GLMN: variants seen among roughly 807,000 people sequenced by gnomAD.
GLMN encodes the protein glomulin.
In GLMN, 75 loss-of-function variants were observed where a neutral mutation model predicts 87.8. The observed-to-expected ratio is 0.85, with a 90% CI of 0.71 to 1.04. The LOEUF (loss-of-function observed/expected upper bound fraction) is 1.04, where lower values mean the gene tolerates loss of function less well. Ranked by LOEUF, GLMN falls within the 50% of genes least tolerant of loss-of-function variation. The pLI is 0.00. For synonymous variants in GLMN, 206 were observed against 221.6 expected, an observed-to-expected ratio of 0.93 and a Z score of 0.63; for missense variants, 588 against 658.8, an observed-to-expected ratio of 0.89 and a Z score of 1.18.
the GLMN span, among the ~76,000 whole-genome samples, chr1:92,305,582 C>CA: frequency 7.3e-4 from 104 of 142,036 alleles, no homozygotes; most frequent in South Asian, 1.8e-3. Context: ...TCAGAAGTTT[C>CA]AAAAAAAAAA....
At chr1:92,306,833 A>G in the GLMN span, among the ~76,000 whole-genome samples, 1 of 152,220 alleles carries the variant, frequency 6.6e-6, no homozygotes, top group African/African-American at 2.4e-5. Context: ...TGAATGAAGT[A>G]AGATAAGAAT....
At chr1:92,370,032 G>A in the GLMN span, among the ~76,000 whole-genome samples, 2 of 152,104 alleles carry the variant, frequency 1.3e-5, no homozygotes, top group Non-Finnish European at 1.5e-5. Flanking sequence ...CTACAGGCAT[G>A]TGCCACCATG....
the GLMN span, among the ~76,000 whole-genome samples, chr1:92,362,995 G>A: frequency 1.8e-4 from 28 of 152,240 alleles, no homozygotes; most frequent in South Asian, 2.3e-3. Flanking sequence ...ATTCTTTGCA[G>A]CCAAGGTTAT....
chr1:92,361,556 A>G, the GLMN span, among the ~76,000 whole-genome samples: 7 of 152,168 alleles, frequency 4.6e-5, no homozygotes, highest in Non-Finnish European at 8.8e-5. Context: ...CATTATAGAG[A>G]TGTAATCTGT....
the GLMN span, among the ~76,000 whole-genome samples, chr1:92,346,461 G>T: frequency 1.8e-4 from 27 of 152,176 alleles, no homozygotes; most frequent in African/African-American, 6.0e-4. Context: ...ACCACACCCA[G>T]CCTGTTATCA....
At chr1:92,298,318 GA>G (rs200025433) in intron 1 of GLMN, among the ~76,000 whole-genome samples, 58 of 144,702 alleles carry the variant, frequency 4.0e-4, no homozygotes, top group Admixed American at 6.1e-4. Context: ...TACTTTGAAG[GA>G]AAAAAAAACA....
chr1:92,304,377 A>G, the GLMN span: 11 of 1,373,322 alleles, frequency 8.0e-6, no homozygotes, highest in African/African-American at 1.2e-4. Flanking sequence ...CATTGTGGCA[A>G]TTAATTTTTT....
chr1:92,259,925 C>T (rs908069963), intron 16 of GLMN, among the ~76,000 whole-genome samples: 23 of 151,666 alleles, frequency 1.5e-4, no homozygotes, highest in South Asian at 2.1e-4. Flanking sequence ...TTAGTAGAGA[C>T]GGGGTTTCAC....
In GLMN at chr1:92,291,637, G is replaced by A. The variant is rs573019268; in HGVS notation, c.166-100C>T. 208 of 1,180,262 alleles carry A rather than the reference G, an allele frequency of 1.8e-4. 2 individuals are homozygous for A. In the African/African-American group the frequency reaches 2.6e-3, roughly 15 times the overall value. 73.1% of individuals were successfully genotyped at this position (1,180,262 alleles called of 1,614,324 possible). ...AGAGCTCAGAATTGTTTCTGAAATA[G>A]GAAGATGAGACAAGTGAAGCCTATG... On this transcript the variant is annotated intron_variant, in intron 3 of 18. Coordinates refer to ENST00000370360, the MANE Select transcript of GLMN (RefSeq NM_053274.3).
At chr1:92,311,706 T>C in the GLMN span, among the ~76,000 whole-genome samples, 3 of 152,234 alleles carry the variant, frequency 2.0e-5, no homozygotes, top group Non-Finnish European at 4.4e-5. Context: ...CAGGTTTGGT[T>C]CCAGACCACC....
At chr1:92,255,101 G>T (rs1011212913) in intron 16 of GLMN, among the ~76,000 whole-genome samples, 3 of 151,864 alleles carry the variant, frequency 2.0e-5, no homozygotes, top group Non-Finnish European at 2.9e-5. Flanking sequence ...AAAAGCAGAG[G>T]TTGCAGTCCT....
chr1:92,330,351 T>C, the GLMN span, among the ~76,000 whole-genome samples: 1 of 152,122 alleles, frequency 6.6e-6, no homozygotes, highest in Non-Finnish European at 1.5e-5. Flanking sequence ...TCTGGAAGAA[T>C]GTGTCTAAAA....
the GLMN span, chr1:92,363,800 G>C: frequency 1.1e-5 from 3 of 273,798 alleles, no homozygotes; most frequent in South Asian, 1.2e-4. Context: ...TTTATGATTT[G>C]CTTAACATTT....
chr1:92,298,886 A>T (rs1650520763), intron 1 of GLMN, 39 bp downstream of exon 1: 1 of 407,552 alleles, frequency 2.5e-6, no homozygotes, highest in Non-Finnish European at 4.3e-6. Flanking sequence ...GCCAACCGCG[A>T]GCCCTGGCCA....
At chr1:92,281,819 C>T (rs1216718044) in intron 7 of GLMN, among the ~76,000 whole-genome samples, 4 of 151,244 alleles carry the variant, frequency 2.6e-5, no homozygotes, top group African/African-American at 9.7e-5. Flanking sequence ...GCAAGGGTTG[C>T]AATCCTAGTC....
chr1:92,289,220 G>A lies in GLMN; in HGVS notation c.395-69C>T, dbSNP rs554822752. ...TGGGACAAGAAATTCGGCAAATGTG[G>A]AATTATAAGACACTTCCTCCTCCCA... On this transcript the variant is annotated intron_variant, in intron 5 of 18. Coordinates refer to ENST00000370360, the MANE Select transcript of GLMN (RefSeq NM_053274.3). 109 of 872,252 alleles carry A rather than the reference G, an allele frequency of 1.2e-4. 4 individuals carry two copies. In the Middle Eastern group the frequency reaches 1.3e-3, roughly 10 times the overall value. The allele number at this position is 872,252 out of a possible 1,614,324, so 54.0% of individuals were successfully genotyped here.
the GLMN span, among the ~76,000 whole-genome samples, chr1:92,317,020 A>G: frequency 6.6e-6 from 1 of 152,178 alleles, no homozygotes; most frequent in African/African-American, 2.4e-5. Flanking sequence ...TGTAAAGTAT[A>G]TTGAGTTCCT....
chr1:92,356,444 ATCTC>A, the GLMN span, among the ~76,000 whole-genome samples: 4 of 151,558 alleles, frequency 2.6e-5, no homozygotes, highest in South Asian at 2.1e-4. Flanking sequence ...TTGAGACAGA[ATCTC>A]TCTCTATCAC....
the GLMN span, among the ~76,000 whole-genome samples, chr1:92,312,941 C>T: frequency 1.3e-5 from 2 of 152,142 alleles, no homozygotes; most frequent in Admixed American, 6.5e-5. Flanking sequence ...TCTCAGCTCA[C>T]TGCAACCTCT....
Sources: allele counts gnomAD v4.1 joint callset (sites outside exome capture counted in the v4.1 genomes callset), GRCh38; gene constraint gnomAD v4.1.1; transcripts MANE v1.5; gene names NCBI Gene and HGNC (gene_info 2026-07-23, HGNC 2026-07-21).